CD8B2: variants seen among roughly 807,000 people sequenced by gnomAD.
The protein encoded by CD8B2 is T-cell surface glycoprotein CD8 beta-2 chain.
CD8B2 carries 11 observed loss-of-function variants against 23.7 expected under a neutral mutation model. The observed-to-expected ratio is 0.46, with a 90% CI of 0.29 to 0.77. The LOEUF (loss-of-function observed/expected upper bound fraction) is 0.77. CD8B2 is among the 30% of genes least tolerant of loss of function. The pLI, the probability that CD8B2 is intolerant of heterozygous loss-of-function variation, is 0.09. For missense variants in CD8B2, 197 were observed against 270.5 expected, an observed-to-expected ratio of 0.73 and a Z score of 1.91; for synonymous variants, 90 against 109.3, an observed-to-expected ratio of 0.82 and a Z score of 1.10.
At chr2:106,511,658 T>C (rs1225112993), downstream of CD8B2, among the ~76,000 whole-genome samples, 2 of 152,114 alleles carry the variant, frequency 1.3e-5, no homozygotes, top group African/African-American at 4.8e-5. Flanking sequence ...GCAAAGCTGA[T>C]CCGAATCTAC....
intron 3 of CD8B2, among the ~76,000 whole-genome samples, chr2:106,501,302 G>A (rs1347803804): frequency 2.6e-5 from 4 of 151,814 alleles, no homozygotes; most frequent in Non-Finnish European, 5.9e-5. Flanking sequence ...CATTGACTAA[G>A]TGAAGGAAAA....
downstream of CD8B2, among the ~76,000 whole-genome samples, chr2:106,511,673 C>T (rs1315578896): frequency 1.3e-5 from 2 of 152,160 alleles, no homozygotes; most frequent in Non-Finnish European, 2.9e-5. Flanking sequence ...ATCTACCACC[C>T]AGTCAAAGGG....
At chr2:106,532,348 T>C (rs1679999852) in intron 5 of CD8B2, among the ~76,000 whole-genome samples, 1 of 152,082 alleles carries the variant, frequency 6.6e-6, no homozygotes. Flanking sequence ...TTTTTTTCTA[T>C]TAAAGCGAGC....
intron 1 of CD8B2, among the ~76,000 whole-genome samples, chr2:106,488,710 C>T (rs1679130352): frequency 6.6e-6 from 1 of 152,210 alleles, no homozygotes; most frequent in Non-Finnish European, 1.5e-5. Flanking sequence ...ACATCTTTAA[C>T]CTTCCTGAGT....
intron 5 of CD8B2, among the ~76,000 whole-genome samples, chr2:106,524,453 C>A (rs867697772): frequency 1.3e-5 from 2 of 152,144 alleles, no homozygotes; most frequent in African/African-American, 4.8e-5. Context: ...CTGCCCTCAG[C>A]CGATTCCTGA....
intron 5 of CD8B2, among the ~76,000 whole-genome samples, chr2:106,505,746 C>T (rs1240905337): frequency 6.6e-6 from 1 of 152,124 alleles, no homozygotes; most frequent in African/African-American, 2.4e-5. Context: ...TAATTGTGTA[C>T]AATTTTCACC....
At chr2:106,495,045 C>T (rs1343757574) in intron 2 of CD8B2, among the ~76,000 whole-genome samples, 4 of 152,054 alleles carry the variant, frequency 2.6e-5, no homozygotes, top group Admixed American at 6.5e-5. Context: ...AAAGGCTGGG[C>T]GATCCAGCCC....
intron 5 of CD8B2, among the ~76,000 whole-genome samples, chr2:106,536,347 A>G (rs1342260966): frequency 6.6e-6 from 1 of 152,128 alleles, no homozygotes; most frequent in Non-Finnish European, 1.5e-5. Context: ...ACACTTTTAA[A>G]CAACTAGATC....
intron 5 of CD8B2, among the ~76,000 whole-genome samples, chr2:106,522,662 T>C (rs1679845201): frequency 1.3e-5 from 2 of 152,184 alleles, no homozygotes; most frequent in African/African-American, 4.8e-5. Flanking sequence ...AAGTCTCCCA[T>C]GTCTTTACTT....
chr2:106,495,921 C>T (rs1679290729), intron 2 of CD8B2, among the ~76,000 whole-genome samples: 1 of 152,112 alleles, frequency 6.6e-6, no homozygotes, highest in South Asian at 2.1e-4. Context: ...ACCTCAGCCT[C>T]CTGGGTAGCT....
chr2:106,487,420 CGCCCCGATGCGGCCGCG>C lies in CD8B2; in HGVS notation c.-4_13del, dbSNP rs1679095044. On this transcript the variant is annotated start_lost and 5_prime_UTR_variant, in exon 1 of 6. Transcript: ENST00000643224. ...CCCCCGGGGCCAGGTGTCCCGGGCG[CGCCCCGATGCGGCCGCG>C]GCTGTGGCTCCTCCTGGCCGCGCAG... is the stretch of plus-strand genomic sequence containing the variant. 1 of 1,239,470 alleles carries C rather than the reference CGCCCCGATGCGGCCGCG, an allele frequency of 8.1e-7. No homozygotes were observed. The highest frequency in any genetic ancestry group is 1.6e-5 in the African/African-American group (1 of 64,240). The allele number at this position is 1,239,470 out of a possible 1,614,324, so 76.8% of individuals were successfully genotyped here.
intron 5 of CD8B2, among the ~76,000 whole-genome samples, chr2:106,522,487 G>A (rs1475057574): frequency 6.6e-6 from 1 of 152,170 alleles, no homozygotes; most frequent in Non-Finnish European, 1.5e-5. Context: ...TGAGTTAAAA[G>A]TCCAAAGGTA....
At chr2:106,505,232 A>G (rs1679482386) in intron 5 of CD8B2, among the ~76,000 whole-genome samples, 1 of 152,160 alleles carries the variant, frequency 6.6e-6, no homozygotes, top group African/African-American at 2.4e-5. Flanking sequence ...AGTTAATTAC[A>G]TTTGATCCTT....
At chr2:106,540,087 A>G (rs1359294439) in intron 5 of CD8B2, among the ~76,000 whole-genome samples, 1 of 152,176 alleles carries the variant, frequency 6.6e-6, no homozygotes, top group Non-Finnish European at 1.5e-5. Flanking sequence ...AAGAAATTCA[A>G]TTTTGTTATG....
intron 5 of CD8B2, among the ~76,000 whole-genome samples, chr2:106,540,859 G>A (rs1365605450): frequency 1.3e-5 from 2 of 152,162 alleles, no homozygotes; most frequent in Non-Finnish European, 2.9e-5. Flanking sequence ...CACTGTGCCC[G>A]GCCCCAAATA....
chr2:106,501,375 A>T (rs1679401183), intron 3 of CD8B2, among the ~76,000 whole-genome samples: 1 of 152,042 alleles, frequency 6.6e-6, no homozygotes, highest in East Asian at 1.9e-4. Flanking sequence ...CACTCTATAT[A>T]TTTTTTAAAA....
At chr2:106,503,326 T>C (rs1302646681) in intron 4 of CD8B2, among the ~76,000 whole-genome samples, 1 of 152,050 alleles carries the variant, frequency 6.6e-6, no homozygotes, top group Non-Finnish European at 1.5e-5. Flanking sequence ...TCTTAACTTT[T>C]GTAGGTCACA....
chr2:106,514,902 A>G (rs1679704303), downstream of CD8B2, among the ~76,000 whole-genome samples: 1 of 152,224 alleles, frequency 6.6e-6, no homozygotes, highest in African/African-American at 2.4e-5. Context: ...ATAATCTGTC[A>G]TTTGCATACA....
At chr2:106,511,716 TC>T (rs1679634805), downstream of CD8B2, among the ~76,000 whole-genome samples, 1 of 152,122 alleles carries the variant, frequency 6.6e-6, no homozygotes, top group Admixed American at 6.5e-5. Context: ...TCAGAGGCCT[TC>T]CAAAAGATAT....
Sources: allele counts gnomAD v4.1 joint callset (sites outside exome capture counted in the v4.1 genomes callset), GRCh38; gene constraint gnomAD v4.1.1; transcripts MANE v1.5; gene names NCBI Gene and HGNC (gene_info 2026-07-23, HGNC 2026-07-21).